Variants in PPARGC1A observed in about 807,000 individuals in gnomAD.
PPARGC1A encodes the protein peroxisome proliferator-activated receptor gamma coactivator 1-alpha.
In PPARGC1A, 25 loss-of-function variants were observed where a neutral mutation model predicts 88.7. The ratio of observed to expected loss-of-function variants is 0.28; its 90% CI spans 0.21 to 0.39. The LOEUF is 0.39. Ranked by LOEUF, PPARGC1A falls within the 10% of genes least tolerant of loss-of-function variation. The pLI is 1.00. For synonymous variants in PPARGC1A, 363 were observed against 355.6 expected (o/e 1.02, Z -0.24); for missense variants, 880 against 968.7 (o/e 0.91, Z 1.22).
At chr4:24,266,304 G>C in the PPARGC1A span, among the ~76,000 whole-genome samples, 1 of 152,134 alleles carries the variant, frequency 6.6e-6, no homozygotes, top group Non-Finnish European at 1.5e-5. Flanking sequence ...TGCCGCTGAG[G>C]AGTTGCTTCG....
At chr4:24,142,972 T>C in the PPARGC1A span, among the ~76,000 whole-genome samples, 1 of 152,154 alleles carries the variant, frequency 6.6e-6, no homozygotes, top group Admixed American at 6.5e-5. Flanking sequence ...TATAAAATAA[T>C]AGTGTGCTTA....
At chr4:24,015,826 T>G in the PPARGC1A span, among the ~76,000 whole-genome samples, 81 of 152,294 alleles carry the variant, frequency 5.3e-4, 3 homozygotes, top group African/African-American at 1.7e-3. Flanking sequence ...TAAAGAAAAC[T>G]AATGTTCATT....
At chr4:23,983,815 C>T in the PPARGC1A span, among the ~76,000 whole-genome samples, 2,618 of 151,982 alleles carry the variant, frequency 0.017, 51 homozygotes, top group South Asian at 0.11. Context: ...TTTAGCTAAC[C>T]CCACACCACC....
chr4:24,124,914 A>T, the PPARGC1A span, among the ~76,000 whole-genome samples: 2 of 152,156 alleles, frequency 1.3e-5, no homozygotes, highest in Non-Finnish European at 2.9e-5. Flanking sequence ...AACACAAGAG[A>T]GCACAAGAAT....
the PPARGC1A span, among the ~76,000 whole-genome samples, chr4:24,239,086 G>C: frequency 6.6e-6 from 1 of 152,080 alleles, no homozygotes; most frequent in African/African-American, 2.4e-5. Flanking sequence ...ATCAAGCAAT[G>C]AATCAGAAAT....
the PPARGC1A span, among the ~76,000 whole-genome samples, chr4:24,406,159 T>C: frequency 3.9e-5 from 6 of 152,222 alleles, no homozygotes; most frequent in Non-Finnish European, 8.8e-5. Context: ...GTCATCATGT[T>C]CTTAATGAGG....
chr4:24,210,042 A>G, the PPARGC1A span, among the ~76,000 whole-genome samples: 112 of 152,314 alleles, frequency 7.4e-4, no homozygotes, highest in Admixed American at 3.3e-3. Context: ...ATCAAATTCA[A>G]TTATGTACTA....
chr4:24,010,959 G>A, the PPARGC1A span, among the ~76,000 whole-genome samples: 1 of 152,124 alleles, frequency 6.6e-6, no homozygotes, highest in Non-Finnish European at 1.5e-5. Context: ...GAAATTCAGG[G>A]AAATGCTTGG....
the PPARGC1A span, among the ~76,000 whole-genome samples, chr4:24,124,342 T>C: frequency 6.6e-6 from 1 of 152,218 alleles, no homozygotes; most frequent in Non-Finnish European, 1.5e-5. Flanking sequence ...TTTTGTCCTG[T>C]TGTAAAATGA....
intron 2 of PPARGC1A, among the ~76,000 whole-genome samples, chr4:23,877,360 CAAAAAAAAAAAAA>C (rs551447166): frequency 2.2e-4 from 14 of 62,820 alleles, no homozygotes; most frequent in East Asian, 4.2e-4. Context: ...ACTAAAAATA[CAAAAAAAAAAAAA>C]AAAAAAAAAA....
At chr4:24,342,524 T>A in the PPARGC1A span, among the ~76,000 whole-genome samples, 1 of 152,210 alleles carries the variant, frequency 6.6e-6, no homozygotes, top group Non-Finnish European at 1.5e-5. Context: ...CCCATTGATT[T>A]TTCTTTCAGA....
the PPARGC1A span, among the ~76,000 whole-genome samples, chr4:23,968,309 C>T: frequency 4.6e-3 from 702 of 152,306 alleles, 3 homozygotes; most frequent in African/African-American, 0.016. Context: ...ATGCAAAGGG[C>T]TTGCAGTCTT....
At chr4:24,194,049 A>T in the PPARGC1A span, among the ~76,000 whole-genome samples, 1 of 147,354 alleles carries the variant, frequency 6.8e-6, no homozygotes, top group Non-Finnish European at 1.5e-5. Context: ...GAATCGCTTG[A>T]ACCTGGGAGG....
chr4:24,151,005 G>C, the PPARGC1A span, among the ~76,000 whole-genome samples: 4 of 152,066 alleles, frequency 2.6e-5, no homozygotes, highest in Admixed American at 6.6e-5. Context: ...CCCCAGTTCT[G>C]GGATCTTCTC....
At chr4:23,807,372 T>G (rs571443393) in intron 10 of PPARGC1A, among the ~76,000 whole-genome samples, 1 of 152,312 alleles carries the variant, frequency 6.6e-6, no homozygotes, top group South Asian at 2.1e-4. Flanking sequence ...TAGCATTAAA[T>G]TTGTCCAAAG....
At chr4:24,182,356 C>T in the PPARGC1A span, among the ~76,000 whole-genome samples, 2 of 152,178 alleles carry the variant, frequency 1.3e-5, no homozygotes, top group South Asian at 2.1e-4. Flanking sequence ...CATAGTATTT[C>T]ATGGTGTATG....
the PPARGC1A span, among the ~76,000 whole-genome samples, chr4:24,121,978 C>T: frequency 5.3e-5 from 8 of 151,950 alleles, no homozygotes; most frequent in African/African-American, 9.7e-5. Flanking sequence ...GGGAAGAGCG[C>T]GTCACTGATG....
the PPARGC1A span, among the ~76,000 whole-genome samples, chr4:24,065,479 C>G: frequency 6.6e-6 from 1 of 152,182 alleles, no homozygotes; most frequent in Non-Finnish European, 1.5e-5. Context: ...TTCGGCAATG[C>G]CTTCAGTGTG....
At chr4:24,345,458 T>C in the PPARGC1A span, among the ~76,000 whole-genome samples, 259 of 152,326 alleles carry the variant, frequency 1.7e-3, 2 homozygotes, top group East Asian at 0.027. Flanking sequence ...ATAGTTTTCC[T>C]TGTAGATGTC....
Sources: allele counts gnomAD v4.1 joint callset (sites outside exome capture counted in the v4.1 genomes callset), GRCh38; gene constraint gnomAD v4.1.1; transcripts MANE v1.5; gene names NCBI Gene and HGNC (gene_info 2026-07-23, HGNC 2026-07-21).